The following CLNK variants were observed in gnomAD, a reference collection of about 807,000 sequenced individuals.
CLNK encodes the protein cytokine-dependent hematopoietic cell linker.
Under a neutral mutation model 68.6 loss-of-function variants are expected in CLNK, and 74 were observed. The observed-to-expected ratio is 1.08, with a 90% CI of 0.89 to 1.31. The LOEUF (loss-of-function observed/expected upper bound fraction) is 1.31. Among genes scored for constraint, CLNK ranks in the 50% most tolerant of loss-of-function variants. The pLI is 0.00. For synonymous variants in CLNK, 198 were observed against 172.2 expected (o/e 1.15, Z -1.17); for missense variants, 553 against 515.3 (o/e 1.07, Z -0.71).
chr4:10,632,822 G>T (rs772295687), intron 2 of CLNK, among the ~76,000 whole-genome samples: 1 of 152,056 alleles, frequency 6.6e-6, no homozygotes, highest in Non-Finnish European at 1.5e-5. Flanking sequence ...TTTTGCATTC[G>T]TCATGTATTA....
intron 3 of CLNK, among the ~76,000 whole-genome samples, chr4:10,587,133 T>C (rs752049600): frequency 6.6e-6 from 1 of 152,036 alleles, no homozygotes; most frequent in South Asian, 2.1e-4. Context: ...CTGGGCTAAT[T>C]TTTTGTATTT....
chr4:10,565,953 C>A, intron 6 of CLNK, 56 bp downstream of exon 6: 8 of 1,572,574 alleles, frequency 5.1e-6, no homozygotes, highest in Non-Finnish European at 6.9e-6. Context: ...AAATAGTGTG[C>A]AATATGGTGG....
At chr4:10,678,198 T>C (rs1724949420) in intron 1 of CLNK, among the ~76,000 whole-genome samples, 1 of 152,228 alleles carries the variant, frequency 6.6e-6, no homozygotes, top group Admixed American at 6.5e-5. Context: ...GTATGCTGAA[T>C]TATACAGTGA....
intron 15 of CLNK, among the ~76,000 whole-genome samples, chr4:10,516,529 C>A (rs1436213278): frequency 6.7e-6 from 1 of 149,148 alleles, no homozygotes; most frequent in Non-Finnish European, 1.5e-5. Flanking sequence ...CAATTTTATT[C>A]TAATGAGACC....
chr4:10,581,525 G>T (rs886952284), intron 4 of CLNK, among the ~76,000 whole-genome samples: 1 of 152,158 alleles, frequency 6.6e-6, no homozygotes, highest in Non-Finnish European at 1.5e-5. Context: ...TTAACAGGGG[G>T]TTGAAGAACA....
At position 10,584,935 on chromosome 4, in the gene CLNK, C is replaced by T; in HGVS notation, c.104G>A (p.Ser35Asn). Residue 35 changes from serine to asparagine, a missense_variant, in exon 4 of 19, where the codon AGT becomes AAT. By Grantham distance (46) the Ser-to-Asn change is conservative. Coordinates refer to ENST00000226951, the MANE Select transcript of CLNK (RefSeq NM_052964.4). ...PKNRSWPRIN[S>N]ATGQYQRMNK... ...AGAGAGCCCCGACTCACCTGTGGCACTATTGATGCGAGGCCATGACCTAGG... is the reference window on the plus strand; with the variant it reads ...AGAGAGCCCCGACTCACCTGTGGCATTATTGATGCGAGGCCATGACCTAGG... The T allele has an allele frequency of 1.9e-6, 3 of 1,613,812 alleles. No individual in the cohort carries two copies. The highest frequency in any genetic ancestry group is 2.5e-6 in the Non-Finnish European group (3 of 1,179,826).
intron 2 of CLNK, among the ~76,000 whole-genome samples, chr4:10,651,537 G>A (rs913144733): frequency 6.6e-6 from 1 of 152,140 alleles, no homozygotes; most frequent in Admixed American, 6.5e-5. Flanking sequence ...ATCACACACT[G>A]GGGCCTGAAT....
the CLNK span, among the ~76,000 whole-genome samples, chr4:10,706,893 T>C: frequency 6.6e-6 from 1 of 152,146 alleles, no homozygotes; most frequent in Admixed American, 6.6e-5. Flanking sequence ...TTTCTGGCCG[T>C]GATGGGAAGG....
At chr4:10,691,851 T>A in the CLNK span, among the ~76,000 whole-genome samples, 1 of 152,164 alleles carries the variant, frequency 6.6e-6, no homozygotes, top group Non-Finnish European at 1.5e-5. Context: ...CCGAGGAATC[T>A]CTTGATGAGC....
intron 17 of CLNK, among the ~76,000 whole-genome samples, chr4:10,504,548 G>A (rs1236213618): frequency 1.3e-5 from 2 of 152,156 alleles, no homozygotes; most frequent in African/African-American, 2.4e-5. Context: ...ATGGAATACC[G>A]AAAAGCCAAA....
chr4:10,502,533 C>T (rs548336318), intron 17 of CLNK, among the ~76,000 whole-genome samples: 1 of 151,840 alleles, frequency 6.6e-6, no homozygotes, highest in Non-Finnish European at 1.5e-5. Context: ...TCTCCTGCCC[C>T]CTTCTTGATG....
chr4:10,564,112 T>C (rs1208788876), intron 7 of CLNK, among the ~76,000 whole-genome samples: 2 of 151,674 alleles, frequency 1.3e-5, no homozygotes, highest in Non-Finnish European at 1.5e-5. Context: ...TTCTTTTTTT[T>C]TTTTTTTGAG....
chr4:10,666,335 T>C (rs904976871), intron 2 of CLNK, among the ~76,000 whole-genome samples: 2 of 152,154 alleles, frequency 1.3e-5, no homozygotes, highest in Non-Finnish European at 2.9e-5. Context: ...AAACCTCCAA[T>C]TTGTCTATCC....
intron 3 of CLNK, among the ~76,000 whole-genome samples, chr4:10,595,118 A>G (rs1721337869): frequency 6.6e-6 from 1 of 152,164 alleles, no homozygotes; most frequent in Non-Finnish European, 1.5e-5. Flanking sequence ...AACCAAAACA[A>G]AAACCCAGAA....
intron 3 of CLNK, among the ~76,000 whole-genome samples, chr4:10,591,646 G>T (rs563788911): frequency 6.6e-6 from 1 of 152,324 alleles, no homozygotes; most frequent in Admixed American, 6.5e-5. Flanking sequence ...TGTCCTATCC[G>T]AGCAAGGCCA....
chr4:10,488,395 G>A lies in CLNK; in HGVS notation c.*2072C>T, dbSNP rs1410868536. 1 of 152,184 alleles carries A rather than the reference G, an allele frequency of 6.6e-6. No homozygotes were observed. The allele number at this position is 152,184 out of a possible 1,614,324, so 9.4% of individuals were successfully genotyped here. A position where few individuals can be genotyped will look rare whatever the true frequency, so the allele number is the denominator to read the frequency against. On this transcript the variant is annotated 3_prime_UTR_variant, in exon 19 of 19. Transcript: ENST00000226951. ...AGTAATCTCCCAATAGCTTTTTAGG[G>A]TGAGGGTCAGATTCCTTCTTAATGT...
At chr4:10,604,869 T>C (rs1248301082) in intron 2 of CLNK, among the ~76,000 whole-genome samples, 1 of 152,260 alleles carries the variant, frequency 6.6e-6, no homozygotes, top group East Asian at 1.9e-4. Context: ...GGTGCCCAGT[T>C]GTTTGTTCAA....
intron 6 of CLNK, among the ~76,000 whole-genome samples, chr4:10,565,731 A>T (rs1720082681): frequency 6.6e-6 from 1 of 152,104 alleles, no homozygotes; most frequent in African/African-American, 2.4e-5. Context: ...AGAGTTACAG[A>T]TCTCTGGCTT....
At chr4:10,565,522 A>G (rs912028280) in intron 6 of CLNK, among the ~76,000 whole-genome samples, 2 of 152,246 alleles carry the variant, frequency 1.3e-5, no homozygotes, top group African/African-American at 4.8e-5. Flanking sequence ...CTTTGCTGCC[A>G]TGCCCTGCTG....
Sources: gnomAD v4.1 joint callset for allele counts (sites outside exome capture counted in the v4.1 genomes callset) on GRCh38, gnomAD v4.1.1 for gene constraint, MANE v1.5 for transcripts, NCBI Gene and HGNC (gene_info 2026-07-23, HGNC 2026-07-21) for gene names.